Variants in OR12D2 observed in about 807,000 individuals in gnomAD.
The protein encoded by OR12D2 is olfactory receptor family 12 subfamily D member 2.
For synonymous variants in OR12D2, 146 were observed against 142.3 expected (o/e 1.03, Z -0.19); for missense variants, 345 against 371.6 (o/e 0.93, Z 0.59).
Position 29,396,618 on chromosome 6 carries a change from G to A in OR12D2, c.-2-80G>A. On this transcript the variant is annotated intron_variant, in intron 1 of 1. Transcript: ENST00000642051. ...CAGTACTCTCCTTCCAAGTATCTTTGGCTTGGTGAGAAAATTCTGAGCCGG... is the reference window on the plus strand; with the variant it reads ...CAGTACTCTCCTTCCAAGTATCTTTAGCTTGGTGAGAAAATTCTGAGCCGG... The A allele has an allele frequency of 2.6e-6, 3 of 1,141,374 alleles. No individual in the cohort carries two copies. In the Admixed American group the frequency reaches 5.8e-5, roughly 22 times the overall value. 70.7% of individuals were successfully genotyped at this position (1,141,374 alleles called of 1,614,324 possible). A position where few individuals can be genotyped will look rare whatever the true frequency, so the allele number is the denominator to read the frequency against.
rs777127001 is a variant in OR12D2 at position 29,397,305 on chromosome 6, G to T, written c.606G>T (p.Gly202=). Residue 202 remains glycine (G), a synonymous_variant, in exon 2 of 2, where the codon GGG becomes GGT. Coordinates refer to ENST00000642051, the MANE Select transcript of OR12D2 (RefSeq NM_013936.4). The stretch of plus-strand genomic sequence containing the variant: ...AGTGGCTACTCAGTACTGTCACGGG[G>T]ACAATTGCCATGGGCCCCTTCTTTC... The part of the protein sequence containing the change: ...LNQWLLSTVT[G]TIAMGPFFLT... 2.5e-6 allele frequency: 4 copies of T among 1,613,056 alleles called. No individual in the cohort carries two copies. Among genetic ancestry groups the T allele is most frequent in the East Asian group, 2.2e-5 (1 of 44,880 alleles).
rs1385871907 is a variant in OR12D2 at position 29,396,956 on chromosome 6, C to T, written c.257C>T (p.Thr86Ile). Residue 86 changes from threonine to isoleucine, a missense_variant, in exon 2 of 2, where the codon ACA (threonine) becomes ATA (isoleucine). Physicochemically the swap from Thr to Ile is moderately conservative, Grantham distance 89. Transcript: ENST00000642051. Reference sequence around the variant, plus strand: ...AAAATGCTGCAGAACTTTCTCTCTACACACAAAGCAATTTCTTTCTTGGGA... The same window carrying T: ...AAAATGCTGCAGAACTTTCTCTCTATACACAAAGCAATTTCTTTCTTGGGA... ...LPKMLQNFLS[T>I]HKAISFLGCI... 3 of 1,613,090 alleles carry T rather than the reference C, an allele frequency of 1.9e-6. No homozygotes were observed. The highest frequency in any genetic ancestry group is 1.7e-6 in the Non-Finnish European group (2 of 1,180,026).
rs1456814169 is a variant in OR12D2 at position 29,395,753 on chromosome 6, T to C, written c.-65T>C. 1 of 151,918 alleles carries C rather than the reference T, an allele frequency of 6.6e-6. No homozygotes were observed. The highest frequency in any genetic ancestry group is 1.5e-5 in the Non-Finnish European group (1 of 67,964). 9.4% of individuals were successfully genotyped at this position (151,918 alleles called of 1,614,324 possible). A position where few individuals can be genotyped will look rare whatever the true frequency, so the allele number is the denominator to read the frequency against. On this transcript the variant is annotated 5_prime_UTR_variant, in exon 1 of 2. Coordinates refer to ENST00000642051, the MANE Select transcript of OR12D2 (RefSeq NM_013936.4). Reference sequence around the variant, plus strand: ...TTTTTCTTATTCAGAGATTCAGGGGTGTGAAAAAGGAAAAAGTCTCAGTGC... The same window carrying C: ...TTTTTCTTATTCAGAGATTCAGGGGCGTGAAAAAGGAAAAAGTCTCAGTGC...
Position 29,397,056 on chromosome 6 carries a change from CCT to C in OR12D2, c.362_363del (p.Ser121CysfsTer57). 1 of 1,613,158 alleles carries C rather than the reference CCT, an allele frequency of 6.2e-7. No homozygotes were observed. Among genetic ancestry groups the C allele is most frequent in the Non-Finnish European group, 8.5e-7 (1 of 1,180,002 alleles). On this transcript the variant is annotated frameshift_variant, in exon 2 of 2. Transcript: ENST00000642051. LOFTEE classifies it low-confidence loss of function (END_TRUNC). ...SMLFAVMAFD[L>X]SVAICKPLRY... ...TGTTGTTCGCCGTGATGGCATTTGA[CCT>C]CTCTGTGGCTATCTGCAAGCCACTT... is the stretch of plus-strand genomic sequence containing the variant.
Position 29,397,040 on chromosome 6 carries a change from C to T in OR12D2, c.341C>T (p.Ala114Val), listed in dbSNP as rs1229980362. The T allele has an allele frequency of 6.2e-7, 1 of 1,612,982 alleles. No individual in the cohort carries two copies. The highest frequency in any genetic ancestry group is 2.2e-5 in the East Asian group (1 of 44,900). Residue 114 changes from alanine to valine, a missense_variant, in exon 2 of 2, where the codon GCC (alanine) becomes GTC (valine). Physicochemically the swap from Ala to Val is moderately conservative, Grantham distance 64. Transcript: ENST00000642051. Reference sequence around the variant, plus strand: ...GGCAGCACGGAGTCCATGTTGTTCGCCGTGATGGCATTTGACCTCTCTGTG... The same window carrying T: ...GGCAGCACGGAGTCCATGTTGTTCGTCGTGATGGCATTTGACCTCTCTGTG... ...SLGSTESMLF[A>V]VMAFDLSVAI...
In OR12D2 at chr6:29,396,798, C is replaced by T. The variant is rs573569732; in HGVS notation, c.99C>T (p.Tyr33=). The change falls in exon 2 of 2, where the codon TAC becomes TAT. Residue 33 remains tyrosine, a synonymous_variant. Coordinates refer to ENST00000642051, the MANE Select transcript of OR12D2 (RefSeq NM_013936.4). The part of the protein sequence containing the change: ...PFLFVVFLTI[Y]FISVTGNGAV... ...TCTTCGTGGTTTTCCTCACCATCTA[C>T]TTCATCAGTGTGACTGGGAATGGAG... 3.5e-5 allele frequency: 56 copies of T among 1,612,940 alleles called. No homozygotes were observed. In the South Asian group the frequency reaches 5.7e-4, roughly 16 times the overall value.
Position 29,397,634 on chromosome 6 carries a change from C to A in OR12D2, c.*11C>A, listed in dbSNP as rs1780636437. The A allele has an allele frequency of 6.2e-7, 1 of 1,600,856 alleles. No homozygotes were observed. Among genetic ancestry groups the A allele is most frequent in the South Asian group, 1.1e-5 (1 of 89,670 alleles). ...ATCAGAAGGCTTTGATTTGAATAAA[C>A]CAGAGAACTCTACTGAGGCATAAAT... On this transcript the variant is annotated 3_prime_UTR_variant, in exon 2 of 2. Coordinates refer to ENST00000642051, the MANE Select transcript of OR12D2 (RefSeq NM_013936.4).
chr6:29,397,503 C>T lies in OR12D2; in HGVS notation c.804C>T (p.Asp268=). The change falls in exon 2 of 2, where the codon GAC becomes GAT. Residue 268 remains aspartate (D), a synonymous_variant. Coordinates refer to ENST00000642051, the MANE Select transcript of OR12D2 (RefSeq NM_013936.4). ...ATCCTGCGTTAGAGAGCTTCATGGA[C>T]CAGGACCGGATTGTTGCCATCATGT... is the stretch of plus-strand genomic sequence containing the variant. ...YIHPALESFM[D]QDRIVAIMYT... is the part of the protein sequence containing the mutation. 6.2e-7 allele frequency: 1 copy of T among 1,612,986 alleles called. No homozygotes were observed. The highest frequency in any genetic ancestry group is 8.5e-7 in the Non-Finnish European group (1 of 1,179,996).
rs1780594590 is a variant in OR12D2 at position 29,397,233 on chromosome 6, TATTAAGCC to T, written c.538_545del (p.Lys180AlafsTer9). On this transcript the variant is annotated frameshift_variant, in exon 2 of 2. Coordinates refer to ENST00000642051, the MANE Select transcript of OR12D2 (RefSeq NM_013936.4). LOFTEE classifies it low-confidence loss of function (END_TRUNC). ...ACCGTATCCATCATTTTCTCTGTGA[TATTAAGCC>T]ATTGCTAAAGCTGGCCTGTGGGAAC... is the stretch of plus-strand genomic sequence containing the variant. 6.2e-7 allele frequency: 1 copy of T among 1,612,982 alleles called. No individual in the cohort carries two copies. The highest frequency in any genetic ancestry group is 8.5e-7 in the Non-Finnish European group (1 of 1,180,038).
chr6:29,396,855 A>G lies in OR12D2; in HGVS notation c.156A>G (p.Arg52=). 1 of 1,612,552 alleles carries G rather than the reference A, an allele frequency of 6.2e-7. No homozygotes were observed. The highest frequency in any genetic ancestry group is 1.7e-4 in the Middle Eastern group (1 of 6,058). ...AVLMIVISDP[R]LHSLMYFFLG... ...TGATGATTGTCATCTCCGATCCTAG[A>G]CTCCATTCCCTTATGTATTTCTTCC... The change falls in exon 2 of 2, where the codon AGA becomes AGG. Residue 52 remains arginine, a synonymous_variant. Coordinates refer to ENST00000642051, the MANE Select transcript of OR12D2 (RefSeq NM_013936.4).
Position 29,397,172 on chromosome 6 carries a change from C to G in OR12D2, c.473C>G (p.Ser158Cys). 1.2e-6 allele frequency: 2 copies of G among 1,613,090 alleles called. No homozygotes were observed. The highest frequency in any genetic ancestry group is 1.7e-6 in the Non-Finnish European group (2 of 1,180,010). Residue 158 changes from serine (S) to cysteine (C), a missense_variant, in exon 2 of 2, where the codon TCC becomes TGC. Ser to Cys is a moderately radical substitution (Grantham distance 112). Coordinates refer to ENST00000642051, the MANE Select transcript of OR12D2 (RefSeq NM_013936.4). ...VIGFFHALLH[S>C]VMTSRLNFCG... ...GGTTTTTTCCATGCCCTGCTGCACT[C>G]CGTAATGACTTCTCGCTTGAACTTC...
chr6:29,397,689 AT>A lies in OR12D2; in HGVS notation c.*70del. The A allele has an allele frequency of 7.3e-7, 1 of 1,365,062 alleles. No individual in the cohort carries two copies. Among genetic ancestry groups the A allele is most frequent in the Non-Finnish European group, 1.0e-6 (1 of 994,776 alleles). 84.6% of individuals were successfully genotyped at this position (1,365,062 alleles called of 1,614,324 possible). ...AGCAATGAAAAAGTAGAGATGTGTA[AT>A]TTTACTGCTTCTCAGATGGTTTATA... On this transcript the variant is annotated 3_prime_UTR_variant, in exon 2 of 2. Transcript: ENST00000642051.
intron 1 of OR12D2, 85 bp from the exon 2 acceptor site, chr6:29,396,613 T>C (rs1780534737): frequency 1.8e-6 from 2 of 1,084,956 alleles, no homozygotes; most frequent in Non-Finnish European, 2.7e-6. Context: ...CTTCCAAGTA[T>C]CTTTGGCTTG....
Position 29,397,170 on chromosome 6 carries a change from C to T in OR12D2, c.471C>T (p.His157=). 6.2e-7 allele frequency: 1 copy of T among 1,613,080 alleles called. No homozygotes were observed. Among genetic ancestry groups the T allele is most frequent in the Non-Finnish European group, 8.5e-7 (1 of 1,180,002 alleles). ...TTGGTTTTTTCCATGCCCTGCTGCACTCCGTAATGACTTCTCGCTTGAACT... is the reference window on the plus strand; with the variant it reads ...TTGGTTTTTTCCATGCCCTGCTGCATTCCGTAATGACTTCTCGCTTGAACT... ...WVIGFFHALL[H]SVMTSRLNFC... Residue 157 remains histidine (H), a synonymous_variant, in exon 2 of 2, where the codon CAC becomes CAT. Transcript: ENST00000642051.
In OR12D2 at chr6:29,397,346, A is replaced by T; in HGVS notation, c.647A>T (p.Tyr216Phe). 1 of 1,612,928 alleles carries T rather than the reference A, an allele frequency of 6.2e-7. No homozygotes were observed. The change falls in exon 2 of 2, where the codon TAT becomes TTT. Residue 216 changes from tyrosine (Y) to phenylalanine (F), a missense_variant. Coordinates refer to ENST00000642051, the MANE Select transcript of OR12D2 (RefSeq NM_013936.4). ...CCCTTCTTTCTGACACTTCTCTCCT[A>T]TTTCTACATTATCACTTATCTCTTC... is the stretch of plus-strand genomic sequence containing the variant. ...MGPFFLTLLS[Y>F]FYIITYLFFK... is the part of the protein sequence containing the mutation.
In OR12D2 at chr6:29,397,646, A is replaced by T. The variant is rs2073149; in HGVS notation, c.*23A>T. ...TGATTTGAATAAACCAGAGAACTCT[A>T]CTGAGGCATAAATAACCAGCAATGA... On this transcript the variant is annotated 3_prime_UTR_variant, in exon 2 of 2. Coordinates refer to ENST00000642051, the MANE Select transcript of OR12D2 (RefSeq NM_013936.4). 0.44 allele frequency: 693,916 copies of T among 1,579,122 alleles called. 154,502 individuals are homozygous for T. Among genetic ancestry groups the T allele is most frequent in the Non-Finnish European group, 0.46 (530,217 of 1,158,838 alleles).
Position 29,397,957 on chromosome 6 carries a change from T to C in OR12D2, c.*334T>C, listed in dbSNP as rs960839575. The C allele has an allele frequency of 3.9e-6, 1 of 255,704 alleles. No homozygotes were observed. Among genetic ancestry groups the C allele is most frequent in the Non-Finnish European group, 7.4e-6 (1 of 134,802 alleles). The allele number at this position is 255,704 out of a possible 1,614,324, so 15.8% of individuals were successfully genotyped here. On this transcript the variant is annotated 3_prime_UTR_variant, in exon 2 of 2. Coordinates refer to ENST00000642051, the MANE Select transcript of OR12D2 (RefSeq NM_013936.4). ...ATTGCCCATGTATTGTATAGATAGA[T>C]GATATTTAGGACTGTTTGTCTGTGA...
Position 29,397,473 on chromosome 6 carries a change from T to C in OR12D2, c.774T>C (p.Tyr258=). 2 of 1,613,064 alleles carry C rather than the reference T, an allele frequency of 1.2e-6. No homozygotes were observed. Among genetic ancestry groups the C allele is most frequent in the Non-Finnish European group, 1.7e-6 (2 of 1,180,022 alleles). ...ILFYAPVLFT[Y]IHPALESFMD... ...TCTATGCACCTGTTCTTTTCACCTA[T>C]ATCCATCCTGCGTTAGAGAGCTTCA... The change falls in exon 2 of 2, where the codon TAT becomes TAC. Residue 258 remains tyrosine (Y), a synonymous_variant. Transcript: ENST00000642051.
rs748819910 is a variant in OR12D2 at position 29,397,189 on chromosome 6, T to A, written c.490T>A (p.Leu164Met). The change falls in exon 2 of 2, where the codon TTG (leucine) becomes ATG (methionine). Residue 164 changes from leucine to methionine, a missense_variant. Transcript: ENST00000642051. ...GCTGCACTCCGTAATGACTTCTCGC[T>A]TGAACTTCTGTGGTTCCAACCGTAT... ...ALLHSVMTSR[L>M]NFCGSNRIHH... The A allele has an allele frequency of 6.2e-7, 1 of 1,613,000 alleles. No individual in the cohort carries two copies. The highest frequency in any genetic ancestry group is 1.3e-5 in the African/African-American group (1 of 74,940).
Sources: gnomAD v4.1 joint callset for allele counts on GRCh38, gnomAD v4.1.1 for gene constraint, MANE v1.5 for transcripts, NCBI Gene and HGNC (gene_info 2026-07-23, HGNC 2026-07-21) for gene names.